CPLX2: variants seen among roughly 807,000 people sequenced by gnomAD.
The protein encoded by CPLX2 is complexin 2.
In CPLX2, 5 loss-of-function variants were observed where a neutral mutation model predicts 16.3. That is an observed-to-expected ratio of 0.31 (90% confidence interval 0.16 to 0.64). The LOEUF (loss-of-function observed/expected upper bound fraction) is 0.64, where lower values mean the gene tolerates loss of function less well. Ranked by LOEUF, CPLX2 falls within the 30% of genes least tolerant of loss-of-function variation. CPLX2 has a pLI of 0.79. For missense variants in CPLX2, 144 were observed against 181.4 expected (o/e 0.79, Z 1.18); for synonymous variants, 89 against 73.2 (o/e 1.22, Z -1.10).
chr5:175,802,518 C>G (rs1009911779), intron 1 of CPLX2, among the ~76,000 whole-genome samples: 19 of 152,284 alleles, frequency 1.2e-4, no homozygotes, highest in Non-Finnish European at 5.9e-5. Context: ...CTGTCTCTGA[C>G]TCGTCGGAAG....
chr5:175,878,804 C>T (rs750133917), intron 2 of CPLX2, 34 bp downstream of exon 2: 24 of 1,611,642 alleles, frequency 1.5e-5, no homozygotes, highest in African/African-American at 6.7e-5. Flanking sequence ...TGTCCTCAGC[C>T]GGTCCCACCC....
chr5:175,866,626 G>T (rs919117042), upstream of CPLX2, among the ~76,000 whole-genome samples: 1 of 152,144 alleles, frequency 6.6e-6, no homozygotes, highest in Non-Finnish European at 1.5e-5. Flanking sequence ...CCTCTGAGGA[G>T]CTGCTGGGCA....
intron 2 of CPLX2, among the ~76,000 whole-genome samples, chr5:175,829,260 T>C (rs982660905): frequency 5.3e-5 from 8 of 152,246 alleles, no homozygotes; most frequent in Non-Finnish European, 1.0e-4. Flanking sequence ...GGGAGGAAAC[T>C]GCGGCTCAGC....
At chr5:175,871,179 A>C (rs2113702703), upstream of CPLX2, among the ~76,000 whole-genome samples, 1 of 151,620 alleles carries the variant, frequency 6.6e-6, no homozygotes, top group South Asian at 2.1e-4. Flanking sequence ...CCTTGCCCCC[A>C]CCACTCCTCA....
At position 175,834,062 on chromosome 5, in the gene CPLX2, G is replaced by A. The variant is rs137960505; in HGVS notation, c.-89+24994G>A. ...TAAATCCTACGTTTCCCAAACCAAC[G>A]GCATCTTGGCATGTAACTGAGATGC... On this transcript the variant is annotated intron_variant, in intron 2 of 4. Coordinates refer to the CPLX2 transcript ENST00000359546. Among the ~76,000 whole-genome samples the A allele has an allele frequency of 3.5e-3, 525 of 152,172 alleles. 1 individual carries two copies. Among genetic ancestry groups the A allele is most frequent in the African/African-American group, 0.012 (502 of 41,508 alleles).
chr5:175,870,420 A>T (rs1285693889), upstream of CPLX2, among the ~76,000 whole-genome samples: 1 of 152,096 alleles, frequency 6.6e-6, no homozygotes, highest in African/African-American at 2.4e-5. Context: ...CCTTCCTTGG[A>T]AGGAAGCCAT....
At chr5:175,832,212 T>C (rs986217779) in intron 2 of CPLX2, among the ~76,000 whole-genome samples, 1 of 152,174 alleles carries the variant, frequency 6.6e-6, no homozygotes, top group Non-Finnish European at 1.5e-5. Context: ...CATCAACCAG[T>C]CACAGCTCCT....
rs934892500 is a variant in CPLX2 at position 175,825,771 on chromosome 5, T to C, written c.-89+16703T>C. On this transcript the variant is annotated intron_variant, in intron 2 of 4. Transcript: ENST00000359546. ...TCCCATCACACTCCTGGAAACTCCG[T>C]TGATTTCCCCAAGGCAGCCAAAGAA... 2.0e-5 allele frequency among the ~76,000 whole-genome samples: 3 copies of C among 152,140 alleles called. No individual in the cohort carries two copies. The East Asian group carries it at 5.8e-4, about 29-fold the overall frequency.
At chr5:175,846,004 C>A (rs1402321770) in intron 2 of CPLX2, among the ~76,000 whole-genome samples, 2 of 152,158 alleles carry the variant, frequency 1.3e-5, no homozygotes, top group Non-Finnish European at 2.9e-5. Context: ...CAGGGCGAGA[C>A]CTTAGTGAGG....
rs1758724878 is a variant in CPLX2, at chr5:175,830,955, G to T, written c.-89+21887G>T. Among the ~76,000 whole-genome samples the T allele has an allele frequency of 6.6e-6, 1 of 152,234 alleles. No individual in the cohort carries two copies. Among genetic ancestry groups the T allele is most frequent in the African/African-American group, 2.4e-5 (1 of 41,454 alleles). ...TGCGTGTGTTCGTGCTCACACAGTT[G>T]TGTCAGTGCGATTGTGAGCATGGCT... is the stretch of plus-strand genomic sequence containing the variant. On this transcript the variant is annotated intron_variant, in intron 2 of 4. Coordinates refer to the CPLX2 transcript ENST00000359546. The surrounding 1 kb of genome is among the most constrained non-coding windows in gnomAD (Gnocchi z 4.0).
chr5:175,879,274 A>G (rs1755508915), intron 3 of CPLX2, among the ~76,000 whole-genome samples, 191 bp downstream of exon 3: 1 of 152,188 alleles, frequency 6.6e-6, no homozygotes, highest in Non-Finnish European at 1.5e-5. Context: ...GGGATTAAAT[A>G]AGAGAATGCG....
At position 175,820,851 on chromosome 5, in the gene CPLX2, G is replaced by A. The variant is rs566186124; in HGVS notation, c.-89+11783G>A. 8.5e-5 allele frequency among the ~76,000 whole-genome samples: 13 copies of A among 152,286 alleles called. No homozygotes were observed. In the South Asian group the frequency reaches 2.7e-3, roughly 32 times the overall value. ...ACAAATATATGGACATGGTAAACAG[G>A]ATGCCTTTGGATGGTGCTCAGGGCC... On this transcript the variant is annotated intron_variant, in intron 2 of 4. Transcript: ENST00000359546.
intron 2 of CPLX2, among the ~76,000 whole-genome samples, chr5:175,815,454 A>C (rs1222006682): frequency 6.6e-6 from 1 of 152,048 alleles, no homozygotes; most frequent in Admixed American, 6.5e-5. Context: ...CACTCCAGGG[A>C]GTGGAGTTAC....
intron 1 of CPLX2, among the ~76,000 whole-genome samples, chr5:175,801,488 G>C (rs1758096125): frequency 6.6e-6 from 1 of 152,208 alleles, no homozygotes. Context: ...TGGACCAAGG[G>C]GCAGCGTGTG....
chr5:175,878,739 C>G lies in CPLX2; in HGVS notation c.-1C>G, dbSNP rs1345231925. 1.2e-6 allele frequency: 2 copies of G among 1,613,434 alleles called. No individual in the cohort carries two copies. The stretch of plus-strand genomic sequence containing the variant: ...AAGGCACGCTAACCAGAGCCGGCGG[C>G]ATGGACTTCGTCATGAAGCAGGCCC... On this transcript the variant is annotated 5_prime_UTR_variant, in exon 2 of 4. Coordinates refer to ENST00000393745, the MANE Select transcript of CPLX2 (RefSeq NM_001008220.2).
At chr5:175,866,377 A>G (rs1759477201) in intron 2 of CPLX2, among the ~76,000 whole-genome samples, 1 of 152,238 alleles carries the variant, frequency 6.6e-6, no homozygotes, top group South Asian at 2.1e-4. Flanking sequence ...AAAAAGAACC[A>G]GAGGCAAGAG....
At chr5:175,839,828 C>A (rs1758915060) in intron 2 of CPLX2, among the ~76,000 whole-genome samples, 3 of 152,218 alleles carry the variant, frequency 2.0e-5, no homozygotes, top group Admixed American at 1.3e-4. Context: ...TGTAACTTGA[C>A]ACAATGACAC....
At chr5:175,825,249 C>G (rs1025347837) in intron 2 of CPLX2, among the ~76,000 whole-genome samples, 1 of 151,980 alleles carries the variant, frequency 6.6e-6, no homozygotes. Context: ...CAAAAATTAG[C>G]TGGGGATGGT....
chr5:175,807,694 A>ATCAT (rs34674993), intron 1 of CPLX2, among the ~76,000 whole-genome samples: 3 of 137,346 alleles, frequency 2.2e-5, no homozygotes, highest in South Asian at 2.3e-4. Flanking sequence ...CCACTTACTC[A>ATCAT]TCATTCATTC....
Sources: allele counts gnomAD v4.1 joint callset (sites outside exome capture counted in the v4.1 genomes callset), GRCh38; gene constraint gnomAD v4.1.1; non-coding constraint Gnocchi (gnomAD v3.1); transcripts MANE v1.5; gene names NCBI Gene and HGNC (gene_info 2026-07-23, HGNC 2026-07-21).